The following ALCAM variants were observed in gnomAD, a reference collection of about 807,000 sequenced individuals.
ALCAM encodes activated leukocyte cell adhesion molecule, also known as CD166 antigen.
ALCAM carries 30 observed loss-of-function variants against 70.9 expected under a neutral mutation model. The observed-to-expected ratio is 0.42, with a 90% CI of 0.32 to 0.57. The LOEUF is 0.57. Ranked by LOEUF, ALCAM falls within the 20% of genes least tolerant of loss-of-function variation. ALCAM has a pLI of 0.11. For synonymous variants in ALCAM, 249 were observed against 242.5 expected (o/e 1.03, Z -0.25); for missense variants, 591 against 695.1 (o/e 0.85, Z 1.68).
intron 1 of ALCAM, 65 bp downstream of exon 1, chr3:105,367,546 T>A: frequency 6.3e-7 from 1 of 1,586,848 alleles, no homozygotes; most frequent in Non-Finnish European, 8.6e-7. Context: ...TAGGTCCCCG[T>A]CCCAGCCTCG....
chr3:105,438,395 T>C (rs1937098516), intron 1 of ALCAM, among the ~76,000 whole-genome samples: 1 of 152,158 alleles, frequency 6.6e-6, no homozygotes, highest in Admixed American at 6.5e-5. Flanking sequence ...ATTTTATTTT[T>C]AAAATGTTAG....
chr3:105,454,676 T>G (rs1937510104), intron 1 of ALCAM, among the ~76,000 whole-genome samples: 1 of 128,052 alleles, frequency 7.8e-6, no homozygotes, highest in Non-Finnish European at 1.6e-5. Flanking sequence ...TTTTTTTTTT[T>G]TTTTTTTTTT....
Position 105,476,892 on chromosome 3 carries a change from G to A in ALCAM, c.74-43175G>A, listed in dbSNP as rs184718259. ...CAGAATTTCCATGTGTTGTGGGAGGGAGTCAGGGGGAGGTAATTGAATCAT... is the reference window on the plus strand; with the variant it reads ...CAGAATTTCCATGTGTTGTGGGAGGAAGTCAGGGGGAGGTAATTGAATCAT... On this transcript the variant is annotated intron_variant, in intron 1 of 15. Transcript: ENST00000306107. Among the ~76,000 whole-genome samples the A allele has an allele frequency of 5.3e-5, 8 of 152,134 alleles. No homozygotes were observed. The East Asian group carries it at 1.4e-3, about 26-fold the overall frequency.
intron 1 of ALCAM, among the ~76,000 whole-genome samples, chr3:105,488,907 A>G (rs1938506422): frequency 6.6e-6 from 1 of 152,202 alleles, no homozygotes. Flanking sequence ...TGGATGATTT[A>G]TAATGTTCCT....
intron 1 of ALCAM, among the ~76,000 whole-genome samples, chr3:105,405,363 T>A (rs1303559111): frequency 2.0e-5 from 3 of 148,398 alleles, no homozygotes; most frequent in Admixed American, 6.7e-5. Context: ...AATACCCCAA[T>A]TCTAAATACA....
intron 9 of ALCAM, among the ~76,000 whole-genome samples, chr3:105,546,705 T>A (rs1481831831): frequency 6.6e-6 from 1 of 151,472 alleles, no homozygotes; most frequent in Non-Finnish European, 1.5e-5. Flanking sequence ...AAAATAGTGA[T>A]GATCAGTATT....
In ALCAM at chr3:105,568,627, C is replaced by A. The variant is rs564669765; in HGVS notation, c.1665-3225C>A. 2.6e-5 allele frequency among the ~76,000 whole-genome samples: 4 copies of A among 152,322 alleles called. No homozygotes were observed. The South Asian group carries it at 6.2e-4, about 24-fold the overall frequency. ...CAAGGAGCTTATCATAGTGTATACG[C>A]AAATTTGGAATTCTTGCCACCCTGT... On this transcript the variant is annotated intron_variant, in intron 14 of 15. Transcript: ENST00000306107.
At chr3:105,415,525 C>T (rs1198654750) in intron 1 of ALCAM, among the ~76,000 whole-genome samples, 2 of 152,062 alleles carry the variant, frequency 1.3e-5, no homozygotes, top group Admixed American at 6.6e-5. Context: ...CCCAAGGCCA[C>T]ATTAATATCA....
chr3:105,514,130 T>G (rs538809026), intron 1 of ALCAM, among the ~76,000 whole-genome samples: 98 of 152,032 alleles, frequency 6.4e-4, no homozygotes, highest in African/African-American at 2.3e-3. Context: ...AGCATTTGGT[T>G]TACCAACCCA....
chr3:105,560,579 T>G (rs1357526050), intron 14 of ALCAM, among the ~76,000 whole-genome samples: 1 of 152,148 alleles, frequency 6.6e-6, no homozygotes, highest in Non-Finnish European at 1.5e-5. Context: ...TGTTCGTGCT[T>G]TTTGTGTCTA....
At position 105,547,204 on chromosome 3, in the gene ALCAM, C is replaced by T; in HGVS notation, c.1160C>T (p.Ala387Val). The T allele has an allele frequency of 6.2e-7, 1 of 1,608,028 alleles. No homozygotes were observed. Among genetic ancestry groups the T allele is most frequent in the South Asian group, 1.1e-5 (1 of 90,180 alleles). The change falls in exon 10 of 16, where the codon GCT (alanine) becomes GTT (valine). Residue 387 changes from alanine (A) to valine (V), a missense_variant. This residue lies in a region of ALCAM where 164 missense variants were observed against 244.7 expected (regional missense o/e 0.67). Transcript: ENST00000306107. ...TTTTCTAGTCTTCATTATCAGGATG[C>T]TGGAAACTATGTCTGCGAAACTGCT... ...PSFSSLHYQD[A>V]GNYVCETALQ...
chr3:105,468,672 T>C (rs1038113200), intron 1 of ALCAM, among the ~76,000 whole-genome samples: 3 of 151,208 alleles, frequency 2.0e-5, no homozygotes, highest in African/African-American at 7.3e-5. Context: ...CTACCAAGGC[T>C]GCGCAGGTCC....
At chr3:105,517,307 A>G (rs773954272) in intron 1 of ALCAM, among the ~76,000 whole-genome samples, 57 of 152,066 alleles carry the variant, frequency 3.7e-4, no homozygotes, top group Non-Finnish European at 6.9e-4. Context: ...GGCTTCTAAC[A>G]TGCCATCCAA....
chr3:105,431,982 G>A (rs1285502291), intron 1 of ALCAM, among the ~76,000 whole-genome samples: 2 of 152,082 alleles, frequency 1.3e-5, no homozygotes. Context: ...ATTTCATGCA[G>A]CAAAACTTGA....
intron 1 of ALCAM, among the ~76,000 whole-genome samples, chr3:105,422,595 T>C (rs1936695254): frequency 1.3e-5 from 2 of 151,506 alleles, no homozygotes; most frequent in African/African-American, 4.8e-5. Context: ...GGCGCTGTTG[T>C]AATCATTTAA....
intron 1 of ALCAM, among the ~76,000 whole-genome samples, chr3:105,479,335 A>G (rs932077828): frequency 1.3e-5 from 2 of 152,170 alleles, no homozygotes; most frequent in African/African-American, 2.4e-5. Flanking sequence ...AAGTATAACT[A>G]TCTAAAACTG....
chr3:105,379,712 G>A (rs2107331405), intron 1 of ALCAM, among the ~76,000 whole-genome samples: 1 of 151,832 alleles, frequency 6.6e-6, no homozygotes, highest in East Asian at 1.9e-4. Flanking sequence ...CCTTTTATGA[G>A]CACTGTAGGA....
At chr3:105,418,322 A>C (rs2007681) in intron 1 of ALCAM, among the ~76,000 whole-genome samples, 1 of 151,656 alleles carries the variant, frequency 6.6e-6, no homozygotes, top group African/African-American at 2.4e-5. Flanking sequence ...AGTTTTTCAC[A>C]TGGGGTACTG....
intron 6 of ALCAM, among the ~76,000 whole-genome samples, chr3:105,537,168 AGT>A (rs1448024961): frequency 2.6e-5 from 4 of 152,100 alleles, no homozygotes; most frequent in Non-Finnish European, 5.9e-5. Context: ...CTATTCAATC[AGT>A]AACGAGGTTT....
Sources: gnomAD v4.1 joint callset for allele counts (sites outside exome capture counted in the v4.1 genomes callset) on GRCh38, gnomAD v4.1.1 for gene constraint, gnomAD v4.1.1 regional missense constraint, MANE v1.5 for transcripts, NCBI Gene and HGNC (gene_info 2026-07-23, HGNC 2026-07-21) for gene names.